Variants in LUZP1 observed in about 807,000 individuals in gnomAD.
LUZP1 encodes filamin mechanobinding actin cross-linking protein.
A neutral mutation model predicts 71.3 loss-of-function variants in LUZP1; 25 were observed. The ratio of observed to expected loss-of-function variants is 0.35; its 90% CI spans 0.26 to 0.49. LUZP1 has a LOEUF of 0.49. Among genes scored for constraint, LUZP1 ranks in the 20% least tolerant of loss-of-function variants. The pLI is 0.99. For synonymous variants in LUZP1, 481 were observed against 506.4 expected, an observed-to-expected ratio of 0.95 and a Z score of 0.67; for missense variants, 1,142 against 1,300.8, an observed-to-expected ratio of 0.88 and a Z score of 1.88.
chr1:23,159,254 T>C (rs897514326), intron 2 of LUZP1, among the ~76,000 whole-genome samples: 2 of 151,392 alleles, frequency 1.3e-5, no homozygotes, highest in African/African-American at 4.9e-5. Flanking sequence ...GGCAGGAGAA[T>C]GGCGTGAACC....
At chr1:23,149,435 G>T (rs601411) in intron 2 of LUZP1, among the ~76,000 whole-genome samples, 2,484 of 152,256 alleles carry the variant, frequency 0.016, 78 homozygotes, top group African/African-American at 0.057. Flanking sequence ...TATCAGGCTA[G>T]ATGGGGTCAA....
chr1:23,096,697 G>A (rs755248917), intron 3 of LUZP1, among the ~76,000 whole-genome samples: 25 of 152,198 alleles, frequency 1.6e-4, no homozygotes, highest in South Asian at 2.1e-4. Context: ...AACTGGCCAG[G>A]TGCGGTGGCT....
At chr1:23,091,972 C>A (rs1464886549) in exon 4 of LUZP1, 1 of 1,614,000 alleles carries the variant, frequency 6.2e-7, no homozygotes, top group Non-Finnish European at 8.5e-7. Flanking sequence ...TTTTTCACAT[C>A]CTTATCAACA....
chr1:23,092,953 T>C (rs780770294), exon 4 of LUZP1: 3 of 1,614,134 alleles, frequency 1.9e-6, no homozygotes, highest in African/African-American at 1.3e-5. Flanking sequence ...CTCACCCCCA[T>C]GTGAGAAGCT....
chr1:23,157,457 G>A lies in LUZP1; in HGVS notation c.-226+11309C>T, dbSNP rs147780327. ...CTTGGAAGGCTGAGGCAGGAGGATC[G>A]TTTGAGGCCAGGAATTCAAGATCAG... On this transcript the variant is annotated intron_variant, in intron 2 of 4. Coordinates refer to ENST00000302291, the Ensembl canonical transcript of LUZP1. 2.5e-3 allele frequency among the ~76,000 whole-genome samples: 380 copies of A among 152,174 alleles called. 5 individuals carry two copies. Among genetic ancestry groups the A allele is most frequent in the African/African-American group, 8.1e-3 (336 of 41,510 alleles).
exon 4 of LUZP1, chr1:23,092,934 C>T (rs1643871121): frequency 6.2e-7 from 1 of 1,614,126 alleles, no homozygotes; most frequent in East Asian, 2.2e-5. Flanking sequence ...CTGAGTCCCA[C>T]TGTCTGTACT....
chr1:23,100,184 T>C (rs1414858580), intron 3 of LUZP1, among the ~76,000 whole-genome samples: 1 of 152,228 alleles, frequency 6.6e-6, no homozygotes. Flanking sequence ...GCAGGGAGCC[T>C]AGCACACAGG....
chr1:23,088,815 G>T, exon 5 of LUZP1: 2 of 1,538,310 alleles, frequency 1.3e-6, no homozygotes, highest in Non-Finnish European at 8.8e-7. Context: ...TGGTTAACTG[G>T]CCTTGGATCC....
At chr1:23,083,855 A>AAGAT (rs907648203), downstream of LUZP1, among the ~76,000 whole-genome samples, 59 of 152,230 alleles carry the variant, frequency 3.9e-4, no homozygotes, top group African/African-American at 1.4e-3. Context: ...ATCAGGTCAG[A>AAGAT]AGATAAGGTA....
chr1:23,129,847 T>C (rs1198401839), intron 2 of LUZP1, among the ~76,000 whole-genome samples: 3 of 152,200 alleles, frequency 2.0e-5, no homozygotes, highest in African/African-American at 7.2e-5. Flanking sequence ...AGAATCACAA[T>C]GGCATTGTAT....
chr1:23,155,098 A>G (rs1000327445), intron 2 of LUZP1, among the ~76,000 whole-genome samples: 2 of 152,202 alleles, frequency 1.3e-5, no homozygotes, highest in African/African-American at 4.8e-5. Flanking sequence ...ATTATACTCC[A>G]TTACAGCTGT....
intron 1 of LUZP1, among the ~76,000 whole-genome samples, chr1:23,173,795 G>T (rs1382432999): frequency 6.6e-6 from 1 of 151,130 alleles, no homozygotes; most frequent in Non-Finnish European, 1.5e-5. Context: ...GCAATAGAAA[G>T]TTCCACAGAT....
exon 5 of LUZP1, chr1:23,088,548 CCCA>C (rs1643802393): frequency 1.0e-5 from 2 of 198,204 alleles, no homozygotes; most frequent in East Asian, 1.3e-4. Context: ...CCAGAAACAA[CCCA>C]CCAAGGAGCC....
At chr1:23,118,600 C>G (rs1248172682) in intron 2 of LUZP1, among the ~76,000 whole-genome samples, 1 of 152,072 alleles carries the variant, frequency 6.6e-6, no homozygotes, top group African/African-American at 2.4e-5. Context: ...ACTTTGTACA[C>G]AATAAAACAT....
chr1:23,168,458 C>T (rs1176315040), intron 2 of LUZP1, among the ~76,000 whole-genome samples: 1 of 149,942 alleles, frequency 6.7e-6, no homozygotes, highest in Non-Finnish European at 1.5e-5. Context: ...CAGAGTCTCG[C>T]TCCCACCAAG....
Position 23,114,241 on chromosome 1 carries a change from G to C in LUZP1, c.-225-5114C>G, listed in dbSNP as rs532656622. ...ACTTGGGATCACAGAGTTTTCTAGTGGTCCTAAATTATATAGGAAGCAAGG... is the reference window on the plus strand; with the variant it reads ...ACTTGGGATCACAGAGTTTTCTAGTCGTCCTAAATTATATAGGAAGCAAGG... On this transcript the variant is annotated intron_variant, in intron 2 of 4. Coordinates refer to ENST00000302291, the Ensembl canonical transcript of LUZP1. Among the ~76,000 whole-genome samples, 228 of 152,182 alleles carry C rather than the reference G, an allele frequency of 1.5e-3. 1 individual carries two copies. The highest frequency in any genetic ancestry group is 2.6e-3 in the Non-Finnish European group (176 of 68,008).
At chr1:23,092,434 T>C in exon 4 of LUZP1, 1 of 1,614,238 alleles carries the variant, frequency 6.2e-7, no homozygotes, top group East Asian at 2.2e-5. Context: ...TCTTGGCTTC[T>C]ACAGCTATAA....
chr1:23,144,330 TGA>T (rs57700777), intron 2 of LUZP1, among the ~76,000 whole-genome samples: 22,348 of 152,056 alleles, frequency 0.15, 1,938 homozygotes, highest in South Asian at 0.32. Flanking sequence ...TGCTGACAGC[TGA>T]GAGATATCAA....
At chr1:23,168,983 A>C (rs1644534808) in exon 2 of LUZP1, 2 of 152,064 alleles carry the variant, frequency 1.3e-5, no homozygotes, top group Non-Finnish European at 2.9e-5. Context: ...AGACTCCACC[A>C]AGTTTTTATT....
Sources: gnomAD v4.1 joint callset for allele counts (sites outside exome capture counted in the v4.1 genomes callset) on GRCh38, gnomAD v4.1.1 for gene constraint, MANE v1.5 for transcripts, NCBI Gene and HGNC (gene_info 2026-07-23, HGNC 2026-07-21) for gene names.